Variants in ALLC observed in about 807,000 individuals in gnomAD.
The protein encoded by ALLC is probable inactive allantoicase.
Under a neutral mutation model 45.0 loss-of-function variants are expected in ALLC, and 40 were observed. The ratio of observed to expected loss-of-function variants is 0.89; its 90% CI spans 0.69 to 1.16. The LOEUF (loss-of-function observed/expected upper bound fraction) is 1.16, where lower values mean the gene tolerates loss of function less well. Among genes scored for constraint, ALLC ranks in the 50% most tolerant of loss-of-function variants. The pLI is 0.00. For missense variants in ALLC, 488 were observed against 493.1 expected (o/e 0.99, Z 0.10); for synonymous variants, 176 against 178.1 (o/e 0.99, Z 0.09).
the ALLC span, among the ~76,000 whole-genome samples, chr2:3,651,437 G>GCA: frequency 1.6e-4 from 9 of 57,872 alleles, no homozygotes; most frequent in Admixed American, 2.4e-4. Flanking sequence ...GTGTGTGTGT[G>GCA]TGTGTTAGGA....
At chr2:3,673,618 T>G (rs2148000548) in intron 2 of ALLC, among the ~76,000 whole-genome samples, 1 of 152,316 alleles carries the variant, frequency 6.6e-6, no homozygotes, top group Non-Finnish European at 1.5e-5. Flanking sequence ...GACCTCACTC[T>G]CAAAATGATC....
chr2:3,676,224 T>C (rs1393809261), intron 3 of ALLC, among the ~76,000 whole-genome samples: 2 of 152,260 alleles, frequency 1.3e-5, no homozygotes, highest in African/African-American at 4.8e-5. Context: ...ATATAAGATA[T>C]TTTGTATTCT....
intron 2 of ALLC, among the ~76,000 whole-genome samples, chr2:3,671,811 G>T (rs1233992533): frequency 6.5e-5 from 6 of 92,222 alleles, no homozygotes; most frequent in South Asian, 7.0e-4. Context: ...CTGGTTAGAT[G>T]GGAGGTCCTC....
the ALLC span, among the ~76,000 whole-genome samples, chr2:3,652,456 T>C: frequency 6.6e-6 from 1 of 152,214 alleles, no homozygotes; most frequent in Non-Finnish European, 1.5e-5. Flanking sequence ...CAAAGGAGGC[T>C]GGGAAGCACA....
chr2:3,681,267 C>G (rs540862852), intron 5 of ALLC, among the ~76,000 whole-genome samples: 1 of 152,134 alleles, frequency 6.6e-6, no homozygotes, highest in East Asian at 1.9e-4. Flanking sequence ...CTGAATTGCC[C>G]CAGTATCAAT....
intron 7 of ALLC, among the ~76,000 whole-genome samples, chr2:3,685,530 A>C (rs981743497): frequency 1.3e-5 from 2 of 150,850 alleles, no homozygotes; most frequent in Admixed American, 6.6e-5. Context: ...AGATCTCACA[A>C]GAACTCCCTA....
intron 1 of ALLC, among the ~76,000 whole-genome samples, chr2:3,668,371 G>A (rs1274316084): frequency 6.6e-6 from 1 of 152,010 alleles, no homozygotes; most frequent in African/African-American, 2.4e-5. Context: ...GGTGAGGAGA[G>A]CAGCTTTCAT....
chr2:3,674,057 C>A lies in ALLC; in HGVS notation c.34-18C>A, dbSNP rs1371809300. 1 of 1,523,494 alleles carries A rather than the reference C, an allele frequency of 6.6e-7. No homozygotes were observed. Among genetic ancestry groups the A allele is most frequent in the Non-Finnish European group, 8.9e-7 (1 of 1,123,140 alleles). 94.4% of individuals were successfully genotyped at this position (1,523,494 alleles called of 1,614,324 possible). A position where few individuals can be genotyped will look rare whatever the true frequency, so the allele number is the denominator to read the frequency against. ...ATTTATGGTTGCTTTATCTTTCTTT[C>A]TTTCTTTCTTTGTCTAGATTTTATT... On this transcript the variant is annotated intron_variant, in intron 2 of 11. Transcript: ENST00000252505.
rs752961906 is a variant in ALLC at position 3,680,007 on chromosome 2, C to A, written c.298+13C>A. The A allele has an allele frequency of 6.2e-7, 1 of 1,613,418 alleles. No individual in the cohort carries two copies. The highest frequency in any genetic ancestry group is 1.1e-5 in the South Asian group (1 of 91,076). On this transcript the variant is annotated intron_variant, in intron 5 of 11. Transcript: ENST00000252505. The surrounding 1 kb of genome is among the most constrained non-coding windows in gnomAD (Gnocchi z 4.0). ...AACTTGGAAGAAGGTGCGTTAGGAA[C>A]CACTGTCCCCAAAATGAGAATTATG... is the stretch of plus-strand genomic sequence containing the variant.
At chr2:3,665,273 T>C (rs1414405646) in intron 1 of ALLC, among the ~76,000 whole-genome samples, 1 of 106,846 alleles carries the variant, frequency 9.4e-6, no homozygotes, top group African/African-American at 3.3e-5. Flanking sequence ...TTCTTTTCCC[T>C]TTTTTTTTGT....
intron 7 of ALLC, among the ~76,000 whole-genome samples, chr2:3,687,707 T>G (rs745862125): frequency 6.6e-6 from 1 of 151,046 alleles, no homozygotes; most frequent in Non-Finnish European, 1.5e-5. Flanking sequence ...TTCTTCTAGG[T>G]TTTCCAATTT....
chr2:3,683,001 TGC>T lies in ALLC; in HGVS notation c.439_440del (p.Ala147PhefsTer31), dbSNP rs1558542546. On this transcript the variant is annotated frameshift_variant, in exon 7 of 12. Transcript: ENST00000252505. LOFTEE classifies it high-confidence loss of function. ...TGACTGAGCTTAAGCCAGGAAACCCTGCTTCCGGCCACAACTATTTTCTTGTC... is the reference window on the plus strand; with the variant it reads ...TGACTGAGCTTAAGCCAGGAAACCCTTTCCGGCCACAACTATTTTCTTGTC... ...PMTELKPGNPASGHNYFLVNS... is the reference protein window; with the variant it reads ...PMTELKPGNPXSGHNYFLVNS... 6.2e-7 allele frequency: 1 copy of T among 1,614,010 alleles called. No homozygotes were observed. The highest frequency in any genetic ancestry group is 1.7e-5 in the Admixed American group (1 of 60,030).
At chr2:3,691,633 C>G (rs1013415090) in intron 7 of ALLC, among the ~76,000 whole-genome samples, 61 of 152,098 alleles carry the variant, frequency 4.0e-4, no homozygotes, top group African/African-American at 1.4e-3. Flanking sequence ...TTTCTTTGAG[C>G]TTTCTGTACC....
the ALLC span, among the ~76,000 whole-genome samples, chr2:3,649,378 T>A: frequency 3.3e-5 from 5 of 151,914 alleles, no homozygotes; most frequent in Admixed American, 2.6e-4. Flanking sequence ...AGCAGCTGGG[T>A]CTACAGGCGC....
At chr2:3,674,371 A>C (rs1189744307) in intron 3 of ALLC, among the ~76,000 whole-genome samples, 1 of 152,238 alleles carries the variant, frequency 6.6e-6, no homozygotes, top group African/African-American at 2.4e-5. Context: ...AGGTCCTCAA[A>C]TACTGCTCTT....
chr2:3,662,742 A>G (rs555108460), intron 1 of ALLC, among the ~76,000 whole-genome samples: 26 of 152,194 alleles, frequency 1.7e-4, no homozygotes, highest in South Asian at 1.0e-3. Context: ...CTACTCTCGA[A>G]AGAGAATAGT....
chr2:3,671,219 G>T (rs1359383440), intron 2 of ALLC, 29 bp downstream of exon 2: 2 of 1,604,294 alleles, frequency 1.2e-6, no homozygotes, highest in Non-Finnish European at 1.7e-6. Context: ...GCCAAACAAG[G>T]GTTGAAGGCA....
At chr2:3,646,991 C>A in the ALLC span, among the ~76,000 whole-genome samples, 2 of 152,098 alleles carry the variant, frequency 1.3e-5, no homozygotes, top group African/African-American at 4.8e-5. Flanking sequence ...GTGGTCCCCA[C>A]TTCTGGTCTC....
chr2:3,646,636 C>T, the ALLC span, among the ~76,000 whole-genome samples: 9 of 152,186 alleles, frequency 5.9e-5, no homozygotes, highest in Non-Finnish European at 2.9e-5. Context: ...GGAAGGGAGC[C>T]CGTCAGAGCG....
Sources: gnomAD v4.1 joint callset for allele counts (sites outside exome capture counted in the v4.1 genomes callset) on GRCh38, gnomAD v4.1.1 for gene constraint, Gnocchi (gnomAD v3.1) non-coding constraint, MANE v1.5 for transcripts, NCBI Gene and HGNC (gene_info 2026-07-23, HGNC 2026-07-21) for gene names.